Variants in DICER1 observed in about 807,000 individuals in gnomAD.
DICER1 encodes dicer 1, ribonuclease III.
Under a neutral mutation model 194.1 loss-of-function variants are expected in DICER1, and 43 were observed. The ratio of observed to expected loss-of-function variants is 0.22; its 90% CI spans 0.17 to 0.29. The LOEUF is 0.29. Among genes scored for constraint, DICER1 ranks in the 10% least tolerant of loss-of-function variants. The pLI, the probability that DICER1 is intolerant of heterozygous loss-of-function variation, is 1.00. For synonymous variants in DICER1, 832 were observed against 820.5 expected (o/e 1.01, Z -0.24); for missense variants, 1,608 against 2,317.0 (o/e 0.69, Z 6.28).
Position 95,094,684 on chromosome 14 carries a change from C to T in DICER1, c.5096-528G>A, listed in dbSNP as rs560941690. On this transcript the variant is annotated intron_variant, in intron 23 of 26. Transcript: ENST00000343455. ...CACAGGATGACAGGAAAAGAAGACC[C>T]TCTTCTTAACTTGAGCTATTATAGA... 1.9e-4 allele frequency among the ~76,000 whole-genome samples: 29 copies of T among 152,304 alleles called. No homozygotes were observed. In the South Asian group the frequency reaches 5.8e-3, roughly 30 times the overall value.
At chr14:95,148,370 C>A (rs754416579) in intron 1 of DICER1, among the ~76,000 whole-genome samples, 2 of 152,150 alleles carry the variant, frequency 1.3e-5, no homozygotes, top group Non-Finnish European at 2.9e-5. Context: ...GGCCACCAGT[C>A]GATCATTAGC....
At chr14:95,117,823 T>G (rs1892618970) in intron 8 of DICER1, 69 bp from the exon 9 acceptor site, 1 of 1,476,898 alleles carries the variant, frequency 6.8e-7, no homozygotes, top group Admixed American at 1.8e-5. Context: ...TTTTAAAGCC[T>G]CCTTTAAAAT....
intron 1 of DICER1, among the ~76,000 whole-genome samples, chr14:95,149,841 T>TC (rs201356417): frequency 0.035 from 5,312 of 152,290 alleles, 326 homozygotes; most frequent in African/African-American, 0.12. Context: ...TTAGACACTT[T>TC]TAAATTAAAA....
chr14:95,111,205 G>A, intron 14 of DICER1, 112 bp downstream of exon 14: 1 of 1,244,012 alleles, frequency 8.0e-7, no homozygotes, highest in Middle Eastern at 1.9e-4. Context: ...ATCCAGAGTG[G>A]GCCAAACTGT....
intron 11 of DICER1, 91 bp from the exon 12 acceptor site, chr14:95,113,315 C>T: frequency 2.4e-6 from 3 of 1,229,668 alleles, no homozygotes; most frequent in Non-Finnish European, 3.6e-6. Context: ...TGTGCCTCTT[C>T]CCCTCTACTG....
chr14:95,093,931 T>A lies in DICER1; in HGVS notation c.5321A>T (p.Gln1774Leu). The change falls in exon 24 of 27, where the codon CAG becomes CTG. Residue 1774 changes from glutamine (Q) to leucine (L), a missense_variant. This residue lies in a region of DICER1 where 138 missense variants were observed against 298.3 expected (regional missense o/e 0.46). Transcript: ENST00000343455. ...ELFHVIDDFVQFQLEKNEMQG... is the reference protein window; with the variant it reads ...ELFHVIDDFVLFQLEKNEMQG... The stretch of plus-strand genomic sequence containing the variant: ...CATTTCATTCTTCTCAAGCTGAAAC[T>A]GCACAAAGTCATCAATGACATGGAA... 6.2e-7 allele frequency: 1 copy of A among 1,614,188 alleles called. No homozygotes were observed. The highest frequency in any genetic ancestry group is 8.5e-7 in the Non-Finnish European group (1 of 1,180,032).
rs748788519 is a variant in DICER1, at chr14:95,133,437, G to A, written c.22C>T (p.Pro8Ser). 1.2e-6 allele frequency: 2 copies of A among 1,613,750 alleles called. No individual in the cohort carries two copies. The highest frequency in any genetic ancestry group is 1.7e-6 in the Non-Finnish European group (2 of 1,179,804). Residue 8 changes from proline (P) to serine (S), a missense_variant, in exon 2 of 27, where the codon CCC (proline) becomes TCC (serine). Around this residue, in one of 10 missense-constraint regions of DICER1, gnomAD observed 657 missense variants for 910.1 expected, o/e 0.72. Coordinates refer to ENST00000343455, the MANE Select transcript of DICER1 (RefSeq NM_177438.3). MKSPALQ[P>S]LSMAGLQLMT... Reference sequence around the variant, plus strand: ...AGCTGCAGGCCTGCCATGCTGAGGGGTTGCAAAGCAGGGCTTTTCATTCAT... The same window carrying A: ...AGCTGCAGGCCTGCCATGCTGAGGGATTGCAAAGCAGGGCTTTTCATTCAT...
chr14:95,105,826 A>C lies in DICER1; in HGVS notation c.2988-43T>G, dbSNP rs769521876. On this transcript the variant is annotated intron_variant, in intron 18 of 26. Coordinates refer to ENST00000343455, the MANE Select transcript of DICER1 (RefSeq NM_177438.3). This position sits in a 1 kb window ranked among gnomAD's most constrained non-coding sequence, Gnocchi z 4.9. Reference sequence around the variant, plus strand: ...CAATTTTATCAAACACACAAAAATGAGTACATATTCACAGTGGTTCTCCAA... The same window carrying C: ...CAATTTTATCAAACACACAAAAATGCGTACATATTCACAGTGGTTCTCCAA... 5.6e-5 allele frequency: 86 copies of C among 1,548,074 alleles called. No homozygotes were observed. Among genetic ancestry groups the C allele is most frequent in the Non-Finnish European group, 7.5e-5 (84 of 1,120,708 alleles).
chr14:95,103,383 G>C lies in DICER1; in HGVS notation c.4013C>G (p.Ala1338Gly), dbSNP rs766732310. ...CATATATGAAAGGCGGCCCTCATGC[G>C]CATCAGGGTAAGTGCAAAATAGATA... The part of the protein sequence containing the change: ...TTYLFCTYPD[A>G]HEGRLSYMRS... The change falls in exon 21 of 27, where the codon GCG (alanine) becomes GGG (glycine). Residue 1338 changes from alanine to glycine, a missense_variant. Physicochemically the swap from Ala to Gly is moderately conservative, Grantham distance 60. This residue lies in a region of DICER1 where 58 missense variants were observed against 125.7 expected (regional missense o/e 0.46). Coordinates refer to ENST00000343455, the MANE Select transcript of DICER1 (RefSeq NM_177438.3). 6.2e-7 allele frequency: 1 copy of C among 1,614,044 alleles called. No individual in the cohort carries two copies. The highest frequency in any genetic ancestry group is 1.7e-5 in the Admixed American group (1 of 60,000).
chr14:95,100,328 C>T (rs1211313719), intron 21 of DICER1, among the ~76,000 whole-genome samples: 2 of 152,112 alleles, frequency 1.3e-5, no homozygotes, highest in African/African-American at 4.8e-5. Flanking sequence ...TAGAAAAAGT[C>T]AAGATGTCAC....
Position 95,111,419 on chromosome 14 carries a change from C to G in DICER1, c.2154G>C (p.Glu718Asp), listed in dbSNP as rs1555371628. The G allele has an allele frequency of 6.2e-7, 1 of 1,614,154 alleles. No homozygotes were observed. The highest frequency in any genetic ancestry group is 1.7e-5 in the Admixed American group (1 of 60,030). The change falls in exon 14 of 27, where the codon GAG (glutamate) becomes GAC (aspartate). Residue 718 changes from glutamate (E) to aspartate (D), a missense_variant. By Grantham distance (45) the Glu-to-Asp change is conservative (BLOSUM62 2). This residue lies in a region of DICER1 where 657 missense variants were observed against 910.1 expected (regional missense o/e 0.72). Coordinates refer to ENST00000343455, the MANE Select transcript of DICER1 (RefSeq NM_177438.3). ...CAAGCTCCTCTTCATATTTAACAGT[C>G]TCTTTCCCAACTGGCATCAAATGGT... ...LDDHLMPVGK[E>D]TVKYEEELDL... is the part of the protein sequence containing the mutation.
intron 7 of DICER1, among the ~76,000 whole-genome samples, chr14:95,125,884 AG>A (rs1456049244): frequency 6.6e-6 from 1 of 151,916 alleles, no homozygotes; most frequent in East Asian, 1.9e-4. Context: ...GGAAGGGAAA[AG>A]GAAAGGAAGA....
intron 1 of DICER1, among the ~76,000 whole-genome samples, chr14:95,148,020 G>C (rs945466657): frequency 6.6e-6 from 1 of 152,244 alleles, no homozygotes; most frequent in Non-Finnish European, 1.5e-5. Context: ...TCAACACAGC[G>C]AGAGTCCATC....
intron 10 of DICER1, 33 bp downstream of exon 10, chr14:95,116,415 TCCCAA>T: frequency 6.2e-7 from 1 of 1,602,050 alleles, no homozygotes; most frequent in South Asian, 1.1e-5. Flanking sequence ...TAATTTTTTT[TCCCAA>T]TCTGCCGGCA....
chr14:95,145,832 A>G (rs1895093968), intron 1 of DICER1, among the ~76,000 whole-genome samples: 1 of 152,056 alleles, frequency 6.6e-6, no homozygotes, highest in Non-Finnish European at 1.5e-5. Flanking sequence ...TATGAACTTT[A>G]CATTTCTGTC....
In DICER1 at chr14:95,087,216, G is replaced by T. The variant is rs1236397122; in HGVS notation, c.*3282C>A. The T allele has an allele frequency of 8.6e-6, 2 of 233,060 alleles. No individual in the cohort carries two copies. Among genetic ancestry groups the T allele is most frequent in the Non-Finnish European group, 1.7e-5 (2 of 117,830 alleles). The allele number at this position is 233,060 out of a possible 1,614,324, so 14.4% of individuals were successfully genotyped here. ...TCAAGTTTCATGTTGTCAAGGCAGG[G>T]TATCAGAATCTTTCTGAGGGCAAAG... On this transcript the variant is annotated 3_prime_UTR_variant, in exon 27 of 27. Coordinates refer to ENST00000343455, the MANE Select transcript of DICER1 (RefSeq NM_177438.3).
chr14:95,113,043 C>T (rs1192759869), intron 12 of DICER1, 49 bp downstream of exon 12: 2 of 1,594,126 alleles, frequency 1.3e-6, no homozygotes, highest in Non-Finnish European at 1.7e-6. Context: ...AAAAAATCCA[C>T]TAATGACACA....
chr14:95,100,075 A>T, intron 21 of DICER1, 140 bp from the exon 22 acceptor site: 1 of 901,580 alleles, frequency 1.1e-6, no homozygotes, highest in East Asian at 2.7e-5. Context: ...TAAGGGCTCT[A>T]CAGTTTTTCT....
Position 95,105,969 on chromosome 14 carries a change from C to T in DICER1, c.2987+72G>A. On this transcript the variant is annotated intron_variant, in intron 18 of 26. Transcript: ENST00000343455. This position sits in a 1 kb window ranked among gnomAD's most constrained non-coding sequence, Gnocchi z 4.9. ...ACGGGTGGGCAGGGGGACAGTGAAC[C>T]TCTGCATGTCTAGTGATGTCTGGTA... The T allele has an allele frequency of 6.5e-7, 1 of 1,546,112 alleles. No homozygotes were observed. The highest frequency in any genetic ancestry group is 8.9e-7 in the Non-Finnish European group (1 of 1,118,614).
Sources: allele counts gnomAD v4.1 joint callset (sites outside exome capture counted in the v4.1 genomes callset), GRCh38; gene constraint gnomAD v4.1.1; regional missense constraint gnomAD v4.1.1; non-coding constraint Gnocchi (gnomAD v3.1); transcripts MANE v1.5; gene names NCBI Gene and HGNC (gene_info 2026-07-23, HGNC 2026-07-21).